The following MACROD2 variants were observed in gnomAD, a reference collection of about 807,000 sequenced individuals.
The protein encoded by MACROD2 is ADP-ribose glycohydrolase MACROD2.
Under a neutral mutation model 70.4 loss-of-function variants are expected in MACROD2, and 36 were observed. The ratio of observed to expected loss-of-function variants is 0.51; its 90% CI spans 0.39 to 0.68. The LOEUF (loss-of-function observed/expected upper bound fraction) is 0.68. Among genes scored for constraint, MACROD2 ranks in the 30% least tolerant of loss-of-function variants. MACROD2 has a pLI of 0.00. For missense variants in MACROD2, 496 were observed against 538.4 expected (o/e 0.92, Z 0.78); for synonymous variants, 172 against 178.8 (o/e 0.96, Z 0.30).
At chr20:14,886,901 A>G (rs1045936366) in intron 5 of MACROD2, among the ~76,000 whole-genome samples, 1 of 152,068 alleles carries the variant, frequency 6.6e-6, no homozygotes, top group African/African-American at 2.4e-5. Context: ...AAGCTAAGAA[A>G]CCCAGGTTCT....
chr20:15,766,932 G>A lies in MACROD2; in HGVS notation c.646-95813G>A, dbSNP rs2051537186. Among the ~76,000 whole-genome samples the A allele has an allele frequency of 2.0e-5, 3 of 152,152 alleles. No individual in the cohort carries two copies. In the South Asian group the frequency reaches 6.2e-4, roughly 32 times the overall value. ...AGGGATCCACCTAGCCAGAGGGCGA[G>A]CCCCCTTGCACAACACTTTTCATGT... On this transcript the variant is annotated intron_variant, in intron 8 of 17. Coordinates refer to ENST00000684519, the MANE Select transcript of MACROD2 (RefSeq NM_001351661.2).
intron 4 of MACROD2, among the ~76,000 whole-genome samples, chr20:14,655,486 G>T (rs1336617335): frequency 6.6e-6 from 1 of 151,992 alleles, no homozygotes; most frequent in Non-Finnish European, 1.5e-5. Context: ...ATAAAATCGT[G>T]TTTGGTCGGG....
At chr20:15,098,453 G>A (rs1317482151) in intron 5 of MACROD2, among the ~76,000 whole-genome samples, 2 of 152,034 alleles carry the variant, frequency 1.3e-5, no homozygotes, top group Non-Finnish European at 2.9e-5. Flanking sequence ...AGACCCTCTG[G>A]GATGCTAAGT....
At chr20:15,038,900 A>G (rs925411452) in intron 5 of MACROD2, among the ~76,000 whole-genome samples, 22 of 152,322 alleles carry the variant, frequency 1.4e-4, no homozygotes, top group African/African-American at 5.1e-4. Flanking sequence ...TAGTCACACA[A>G]ATATACCGGC....
At chr20:15,238,221 T>C (rs1214078634) in intron 6 of MACROD2, among the ~76,000 whole-genome samples, 1 of 152,184 alleles carries the variant, frequency 6.6e-6, no homozygotes, top group African/African-American at 2.4e-5. Flanking sequence ...GGCATCCAAA[T>C]TATCTGCTTC....
At chr20:15,189,686 AT>A (rs929174124) in intron 5 of MACROD2, among the ~76,000 whole-genome samples, 1 of 152,234 alleles carries the variant, frequency 6.6e-6, no homozygotes, top group African/African-American at 2.4e-5. Context: ...AAAGAGAAAT[AT>A]AAAAATATCC....
At chr20:15,741,571 T>A (rs2051107503) in intron 8 of MACROD2, among the ~76,000 whole-genome samples, 1 of 152,068 alleles carries the variant, frequency 6.6e-6, no homozygotes, top group Non-Finnish European at 1.5e-5. Context: ...CTCCCTCACC[T>A]CCTTCACATC....
intron 8 of MACROD2, among the ~76,000 whole-genome samples, chr20:15,558,243 A>G (rs1341120937): frequency 1.3e-5 from 2 of 152,156 alleles, no homozygotes; most frequent in Non-Finnish European, 2.9e-5. Flanking sequence ...CTCAGTGGCC[A>G]TTCCATTCTG....
chr20:15,756,469 G>C (rs1287595139), intron 8 of MACROD2, among the ~76,000 whole-genome samples: 2 of 152,140 alleles, frequency 1.3e-5, no homozygotes, highest in Non-Finnish European at 2.9e-5. Context: ...CCCCTAAGCA[G>C]GAGTAAAATA....
chr20:14,850,342 A>T (rs1272991830), intron 5 of MACROD2: 2 of 158,428 alleles, frequency 1.3e-5, no homozygotes, highest in Admixed American at 1.2e-4. Flanking sequence ...AATGGAAAAA[A>T]TGCAAATCAG....
intron 4 of MACROD2, among the ~76,000 whole-genome samples, chr20:14,583,096 G>T (rs571964904): frequency 1.3e-5 from 2 of 152,272 alleles, no homozygotes; most frequent in East Asian, 1.9e-4. Flanking sequence ...TGACTCTCAT[G>T]TCTTGTGTTG....
At chr20:15,171,827 C>T (rs995994974) in intron 5 of MACROD2, among the ~76,000 whole-genome samples, 6 of 152,194 alleles carry the variant, frequency 3.9e-5, no homozygotes, top group African/African-American at 1.4e-4. Context: ...ATTTTCATGG[C>T]TCCTTTGTCC....
At chr20:14,778,571 G>A (rs2072262023) in intron 5 of MACROD2, among the ~76,000 whole-genome samples, 1 of 152,142 alleles carries the variant, frequency 6.6e-6, no homozygotes, top group South Asian at 2.1e-4. Flanking sequence ...GCGGGGCAAT[G>A]TGTGGAATTT....
chr20:14,410,656 A>G (rs1417424084), intron 3 of MACROD2, among the ~76,000 whole-genome samples: 1 of 152,170 alleles, frequency 6.6e-6, no homozygotes, highest in African/African-American at 2.4e-5. Context: ...TTTGAGTAGC[A>G]AGGCCCTGTT....
Position 15,947,228 on chromosome 20 carries a change from T to A in MACROD2, c.907+9684T>A, listed in dbSNP as rs376353684. ...GGCTTTCCTCTTTTACTAATCCTCC[T>A]CAGCACAGACCCTTCACAGGTGTCG... On this transcript the variant is annotated intron_variant, in intron 12 of 17. Transcript: ENST00000684519. 6.6e-5 allele frequency among the ~76,000 whole-genome samples: 10 copies of A among 152,094 alleles called. No individual in the cohort carries two copies. In the East Asian group the frequency reaches 9.7e-4, roughly 15 times the overall value.
At chr20:15,520,590 C>T (rs1264371879) in intron 8 of MACROD2, among the ~76,000 whole-genome samples, 2 of 152,164 alleles carry the variant, frequency 1.3e-5, no homozygotes, top group African/African-American at 2.4e-5. Context: ...GTAACAAAGA[C>T]CCCCAACTGC....
intron 8 of MACROD2, among the ~76,000 whole-genome samples, chr20:15,845,500 G>A (rs999930736): frequency 1.3e-5 from 2 of 151,978 alleles, no homozygotes; most frequent in East Asian, 1.9e-4. Flanking sequence ...GAAATGAGTC[G>A]TGGAAAGCAG....
intron 17 of MACROD2, among the ~76,000 whole-genome samples, chr20:16,045,277 A>T (rs2067364515): frequency 6.6e-6 from 1 of 152,114 alleles, no homozygotes; most frequent in Non-Finnish European, 1.5e-5. Flanking sequence ...CATGTTTAGG[A>T]GTTTTTCCAG....
intron 8 of MACROD2, among the ~76,000 whole-genome samples, chr20:15,507,536 C>A (rs2047443258): frequency 6.8e-6 from 1 of 147,928 alleles, no homozygotes; most frequent in Admixed American, 6.8e-5. Flanking sequence ...TCTTTTCTTC[C>A]CCCCACCAGC....
Sources: allele counts gnomAD v4.1 joint callset (sites outside exome capture counted in the v4.1 genomes callset), GRCh38; gene constraint gnomAD v4.1.1; transcripts MANE v1.5; gene names NCBI Gene and HGNC (gene_info 2026-07-23, HGNC 2026-07-21).